The following PWWP2A variants were observed in gnomAD, a reference collection of about 807,000 sequenced individuals.
PWWP2A encodes PWWP domain-containing protein 2A.
A neutral mutation model predicts 48.5 loss-of-function variants in PWWP2A; 18 were observed. That is an observed-to-expected ratio of 0.37 (90% CI 0.26 to 0.55). The LOEUF (loss-of-function observed/expected upper bound fraction) is 0.55, where lower values mean the gene tolerates loss of function less well. Ranked by LOEUF, PWWP2A falls within the 20% of genes least tolerant of loss-of-function variation. PWWP2A has a pLI of 0.81. For synonymous variants in PWWP2A, 396 were observed against 387.7 expected, an observed-to-expected ratio of 1.02 and a Z score of -0.25; for missense variants, 867 against 976.4, an observed-to-expected ratio of 0.89 and a Z score of 1.49.
At chr5:160,073,251 C>T (rs1407262095), downstream of PWWP2A, among the ~76,000 whole-genome samples, 3 of 145,876 alleles carry the variant, frequency 2.1e-5, no homozygotes, top group Non-Finnish European at 3.0e-5. Flanking sequence ...TTTCTTGAGA[C>T]GGAGTCTCAC....
intron 2 of PWWP2A, among the ~76,000 whole-genome samples, chr5:160,084,291 G>GT: frequency 6.6e-6 from 1 of 152,336 alleles, no homozygotes; most frequent in South Asian, 2.1e-4. Context: ...CACATAGTGT[G>GT]TAAGTGGCTG....
Position 160,095,362 on chromosome 5 carries a change from C to T in PWWP2A, c.585-1297G>A, listed in dbSNP as rs962368687. ...AGAGTTAGAAATAACAGTGGCTTAA[C>T]GTGCCTGGGCTGAATATCAAGAACC... On this transcript the variant is annotated intron_variant, in intron 1 of 1. Coordinates refer to ENST00000307063, the MANE Select transcript of PWWP2A (RefSeq NM_001130864.2). Among the ~76,000 whole-genome samples the T allele has an allele frequency of 7.2e-5, 11 of 152,198 alleles. No individual in the cohort carries two copies. The South Asian group carries it at 1.7e-3, about 23-fold the overall frequency.
At chr5:160,106,104 G>A (rs1988728981) in intron 1 of PWWP2A, among the ~76,000 whole-genome samples, 1 of 152,196 alleles carries the variant, frequency 6.6e-6, no homozygotes. Flanking sequence ...CTGGTTGAGT[G>A]AGGAACAGAG....
chr5:160,089,608 A>G (rs1754907311), downstream of PWWP2A: 1 of 1,288,720 alleles, frequency 7.8e-7, no homozygotes. Flanking sequence ...TGGTCTATAA[A>G]TTCTAGAAAG....
At chr5:160,066,036 C>T (rs746361583) in intron 4 of PWWP2A, among the ~76,000 whole-genome samples, 6 of 152,170 alleles carry the variant, frequency 3.9e-5, no homozygotes, top group Non-Finnish European at 8.8e-5. Flanking sequence ...CTGTAAGTGA[C>T]ATGCAGTAGT....
At chr5:160,075,479 T>G (rs1753847192), downstream of PWWP2A, among the ~76,000 whole-genome samples, 1 of 152,168 alleles carries the variant, frequency 6.6e-6, no homozygotes, top group African/African-American at 2.4e-5. Flanking sequence ...ACCCTTGACC[T>G]CTCACTCAAT....
chr5:160,046,761 C>A, the PWWP2A span, among the ~76,000 whole-genome samples: 1 of 152,174 alleles, frequency 6.6e-6, no homozygotes. Flanking sequence ...CGCCTGTAAT[C>A]CCAACACTTT....
At chr5:160,109,822 A>AATAT (rs201400491) in intron 1 of PWWP2A, among the ~76,000 whole-genome samples, 1,325 of 114,124 alleles carry the variant, frequency 0.012, 28 homozygotes, top group African/African-American at 0.039. Context: ...ATAATATAAT[A>AATAT]ATATATATAT....
the PWWP2A span, chr5:160,049,398 G>T: frequency 9.9e-7 from 1 of 1,010,298 alleles, no homozygotes; most frequent in Non-Finnish European, 1.4e-6. Context: ...TATACACTTG[G>T]CAAATGACTC....
At chr5:160,047,242 C>T in the PWWP2A span, among the ~76,000 whole-genome samples, 4 of 152,124 alleles carry the variant, frequency 2.6e-5, no homozygotes, top group East Asian at 5.8e-4. Flanking sequence ...TCAGATTTAA[C>T]GTGCCCAGCC....
intron 1 of PWWP2A, chr5:160,116,766 A>G (rs1018449019): frequency 7.1e-6 from 7 of 985,308 alleles, no homozygotes; most frequent in African/African-American, 7.0e-5. Context: ...TTCATTCAAC[A>G]GCATACACAC....
intron 1 of PWWP2A, among the ~76,000 whole-genome samples, chr5:160,102,279 A>G (rs564828593): frequency 4.7e-5 from 7 of 148,822 alleles, no homozygotes; most frequent in African/African-American, 1.7e-4. Flanking sequence ...GTGGTGACAG[A>G]CACCTGTAAT....
chr5:160,111,103 A>G (rs2113660385), intron 1 of PWWP2A, among the ~76,000 whole-genome samples: 2 of 152,072 alleles, frequency 1.3e-5, no homozygotes, highest in East Asian at 3.9e-4. Flanking sequence ...GAGGATTACT[A>G]GTCACTTGAG....
At chr5:160,096,222 CT>C (rs140945291) in intron 1 of PWWP2A, among the ~76,000 whole-genome samples, 3 of 151,138 alleles carry the variant, frequency 2.0e-5, no homozygotes, top group South Asian at 2.1e-4. Flanking sequence ...AAAGGAAAGG[CT>C]TTTTTTTTAC....
At chr5:160,072,405 A>G (rs1027789691), downstream of PWWP2A, among the ~76,000 whole-genome samples, 1 of 152,186 alleles carries the variant, frequency 6.6e-6, no homozygotes. Flanking sequence ...ACGTTAGCGC[A>G]TGAGAATGAC....
intron 1 of PWWP2A, among the ~76,000 whole-genome samples, chr5:160,101,825 G>C (rs1040177424): frequency 1.3e-5 from 2 of 148,428 alleles, no homozygotes; most frequent in African/African-American, 4.9e-5. Context: ...AAAAAAAAAT[G>C]CGTGGCCGGC....
the PWWP2A span, among the ~76,000 whole-genome samples, chr5:160,054,215 G>A: frequency 6.6e-6 from 1 of 152,148 alleles, no homozygotes. Context: ...TAGAGACCCT[G>A]GACATAGCAT....
intron 1 of PWWP2A, among the ~76,000 whole-genome samples, chr5:160,097,835 C>T (rs962408104): frequency 2.0e-5 from 3 of 151,248 alleles, no homozygotes; most frequent in Non-Finnish European, 4.4e-5. Flanking sequence ...CATGCCTCAG[C>T]CACCTGAGCA....
At chr5:160,100,258 G>T (rs993370936) in intron 1 of PWWP2A, among the ~76,000 whole-genome samples, 1 of 151,996 alleles carries the variant, frequency 6.6e-6, no homozygotes, top group Non-Finnish European at 1.5e-5. Flanking sequence ...TCAAAATATC[G>T]CACCACTGCA....
Sources: gnomAD v4.1 joint callset for allele counts (sites outside exome capture counted in the v4.1 genomes callset) on GRCh38, gnomAD v4.1.1 for gene constraint, MANE v1.5 for transcripts, NCBI Gene and HGNC (gene_info 2026-07-23, HGNC 2026-07-21) for gene names.